The following BNIP5 variants were observed in gnomAD, a reference collection of about 807,000 sequenced individuals.
BNIP5 encodes BCL2 interacting protein 5.
BNIP5 carries 61 observed loss-of-function variants against 67.3 expected under a neutral mutation model. The ratio of observed to expected loss-of-function variants is 0.91; its 90% CI spans 0.74 to 1.12. The LOEUF is 1.12. BNIP5 is among the 50% of genes most tolerant of loss of function. The probability of loss-of-function intolerance (pLI) is 0.00; values close to 1 mark genes in which losing one functional copy is unlikely to be tolerated. For synonymous variants in BNIP5, 317 were observed against 319.0 expected (o/e 0.99, Z 0.07); for missense variants, 826 against 816.3 (o/e 1.01, Z -0.14).
intron 6 of BNIP5, 55 bp from the exon 7 acceptor site, chr6:36,324,245 G>T (rs1461051029): frequency 1.3e-5 from 20 of 1,503,136 alleles, no homozygotes; most frequent in East Asian, 9.0e-5. Flanking sequence ...CTCTTCTGCG[G>T]TCAGTCTTCA....
rs149919870 is a variant in BNIP5, at chr6:36,332,742, G to A, written c.-4-2048C>T. Among the ~76,000 whole-genome samples the A allele has an allele frequency of 8.5e-4, 129 of 152,122 alleles. 7 individuals carry two copies. In the East Asian group the frequency reaches 0.023, roughly 27 times the overall value. On this transcript the variant is annotated intron_variant, in intron 1 of 11. Transcript: ENST00000437635. ...CCCACCTGGGCAGCATTTCAAGCCC[G>A]CCTAGGTGTGGGCAGTGCATTTGAT...
chr6:36,330,484 G>A lies in BNIP5; in HGVS notation c.207C>T (p.His69=), dbSNP rs1467696308. Residue 69 remains histidine, a synonymous_variant, in exon 2 of 12, where the codon CAC becomes CAT. Transcript: ENST00000437635. The part of the protein sequence containing the change: ...SDSPAPSAEA[H]CTTAAAPTPE... The stretch of plus-strand genomic sequence containing the variant: ...GAGTGGGGGCTGCAGCGGTGGTGCA[G>A]TGAGCCTCTGCAGATGGAGCTGGGC... 1 of 1,614,192 alleles carries A rather than the reference G, an allele frequency of 6.2e-7. No individual in the cohort carries two copies. The highest frequency in any genetic ancestry group is 1.3e-5 in the African/African-American group (1 of 75,068).
At chr6:36,330,853 T>C (rs1014603311) in intron 1 of BNIP5, among the ~76,000 whole-genome samples, 159 bp from the exon 2 acceptor site, 9 of 152,198 alleles carry the variant, frequency 5.9e-5, no homozygotes, top group African/African-American at 1.9e-4. Flanking sequence ...AACCTCTACC[T>C]CCTGGGTTCA....
In BNIP5 at chr6:36,321,194, C is replaced by T. The variant is rs775831723; in HGVS notation, c.1629G>A (p.Val543=). The part of the protein sequence containing the change: ...ESKEIIIQKL[V]ALLQEVDGQL... ...GGCCATCCACTTCTTGGAGAAGTGC[C>T]ACAAGCTTCTGGATGATGATCTCCT... The change falls in exon 10 of 12, where the codon GTG becomes GTA. Residue 543 remains valine, a synonymous_variant. Coordinates refer to ENST00000437635, the MANE Select transcript of BNIP5 (RefSeq NM_001010903.5). 19 of 1,598,602 alleles carry T rather than the reference C, an allele frequency of 1.2e-5. No individual in the cohort carries two copies. The highest frequency in any genetic ancestry group is 1.5e-5 in the Non-Finnish European group (18 of 1,172,080).
chr6:36,326,468 G>T (rs752264069), intron 5 of BNIP5, 42 bp downstream of exon 5: 1 of 1,610,342 alleles, frequency 6.2e-7, no homozygotes, highest in Admixed American at 1.7e-5. Context: ...CAGAGCTGGA[G>T]GCAGCTGCAG....
chr6:36,332,868 T>C (rs1391449572), intron 1 of BNIP5, among the ~76,000 whole-genome samples: 2 of 152,128 alleles, frequency 1.3e-5, no homozygotes, highest in African/African-American at 4.8e-5. Context: ...AAATAAAATA[T>C]GGTTTTGAAT....
At chr6:36,318,865 C>G (rs1771573854) in intron 11 of BNIP5, among the ~76,000 whole-genome samples, 1 of 152,134 alleles carries the variant, frequency 6.6e-6, no homozygotes, top group African/African-American at 2.4e-5. Flanking sequence ...GCAACCAAGG[C>G]CAGGTCAGTG....
In BNIP5 at chr6:36,322,355, T is replaced by A. The variant is rs1561881802; in HGVS notation, c.1559A>T (p.His520Leu). 1 of 1,614,182 alleles carries A rather than the reference T, an allele frequency of 6.2e-7. No homozygotes were observed. The highest frequency in any genetic ancestry group is 8.5e-7 in the Non-Finnish European group (1 of 1,180,016). Residue 520 changes from histidine to leucine, a missense_variant, in exon 9 of 12, where the codon CAC (histidine) becomes CTC (leucine). His to Leu is a moderately conservative substitution (Grantham distance 99, BLOSUM62 -3). Transcript: ENST00000437635. ...ISEAPSQARG[H>L]TPEGAPQLSG... ...CAGCTGAGGTGCCCCTTCTGGCGTG[T>A]GGCCTCTAGCCTGGGAGGGTGCTTC...
intron 7 of BNIP5, among the ~76,000 whole-genome samples, chr6:36,323,876 T>C (rs1240513574): frequency 1.3e-5 from 2 of 152,046 alleles, no homozygotes; most frequent in African/African-American, 4.8e-5. Flanking sequence ...GGCGCATGCC[T>C]GTAGTCCCAG....
chr6:36,330,580 G>A lies in BNIP5; in HGVS notation c.111C>T (p.Leu37=), dbSNP rs775578256. 6.2e-7 allele frequency: 1 copy of A among 1,613,426 alleles called. No individual in the cohort carries two copies. The highest frequency in any genetic ancestry group is 1.6e-4 in the Middle Eastern group (1 of 6,062). ...TCCTGGAGGGGGCAGTGGGCAGGGA[G>A]AGCCAATGGCAGTCCCACGACTCCG... ...KGSESWDCHW[L]SLPTAPSRKA... is the part of the protein sequence containing the mutation. The change falls in exon 2 of 12, where the codon CTC becomes CTT. Residue 37 remains leucine (L), a synonymous_variant. Coordinates refer to ENST00000437635, the MANE Select transcript of BNIP5 (RefSeq NM_001010903.5).
Position 36,323,502 on chromosome 6 carries a change from AC to A in BNIP5, c.1261del (p.Val421Ter). On this transcript the variant is annotated frameshift_variant, in exon 8 of 12. Coordinates refer to ENST00000437635, the MANE Select transcript of BNIP5 (RefSeq NM_001010903.5). LOFTEE classifies it high-confidence loss of function. ...TCTGCAGTGTGGGGCCGGGTTTTCT[AC>A]ACCCACCTCTTCCTGCTGGACTTGA... Reference protein sequence around the residue: ...QPQVQQEEVGVENPAPHCRRK... With the variant: ...QPQVQQEEVGXENPAPHCRRK... The A allele has an allele frequency of 6.2e-7, 1 of 1,613,960 alleles. No individual in the cohort carries two copies. The highest frequency in any genetic ancestry group is 8.5e-7 in the Non-Finnish European group (1 of 1,180,018).
At chr6:36,324,693 G>A (rs1020911541) in intron 6 of BNIP5, among the ~76,000 whole-genome samples, 3 of 131,040 alleles carry the variant, frequency 2.3e-5, no homozygotes, top group Non-Finnish European at 4.8e-5. Flanking sequence ...TAATTACAGC[G>A]ATGGCAGCTG....
At chr6:36,335,895 C>T (rs1472454873) in intron 1 of BNIP5, among the ~76,000 whole-genome samples, 1 of 152,230 alleles carries the variant, frequency 6.6e-6, no homozygotes, top group East Asian at 1.9e-4. Flanking sequence ...CACATGCACG[C>T]ACTTACACAT....
chr6:36,328,821 A>C, intron 2 of BNIP5, 107 bp from the exon 3 acceptor site: 3 of 774,954 alleles, frequency 3.9e-6, no homozygotes, highest in Non-Finnish European at 7.0e-6. Context: ...CAGAATTCAC[A>C]GTGCAACAGG....
chr6:36,317,384 G>C lies in BNIP5; in HGVS notation c.1931C>G (p.Thr644Arg), dbSNP rs146797303. 1.2e-6 allele frequency: 2 copies of C among 1,613,168 alleles called. No homozygotes were observed. The highest frequency in any genetic ancestry group is 8.5e-7 in the Non-Finnish European group (1 of 1,179,238). Residue 644 changes from threonine (T) to arginine (R), a missense_variant, in exon 12 of 12, where the codon ACA becomes AGA. Thr to Arg is a moderately conservative substitution (Grantham distance 71, BLOSUM62 -1). Transcript: ENST00000437635. Reference protein sequence around the residue: ...FPYREDQPNITSPKVESPD With the variant: ...FPYREDQPNIRSPKVESPD Reference sequence around the variant, plus strand: ...ATCTGGACTTTCAACCTTAGGACTTGTGATGTTCTGGGAAGAGAAAAAGAA... The same window carrying C: ...ATCTGGACTTTCAACCTTAGGACTTCTGATGTTCTGGGAAGAGAAAAAGAA...
At chr6:36,323,827 C>T (rs1191660211) in intron 7 of BNIP5, among the ~76,000 whole-genome samples, 1 of 152,044 alleles carries the variant, frequency 6.6e-6, no homozygotes, top group Non-Finnish European at 1.5e-5. Flanking sequence ...TGGTAAAACC[C>T]TGTCTCTACT....
In BNIP5 at chr6:36,325,318, C is replaced by A. The variant is rs573426921; in HGVS notation, c.1133G>T (p.Gly378Val). 2.2e-5 allele frequency: 36 copies of A among 1,614,170 alleles called. No homozygotes were observed. In the Middle Eastern group the frequency reaches 5.0e-4, roughly 22 times the overall value. Reference sequence around the variant, plus strand: ...GGCTCTGTCCAGCGGAAGCTCCTCTCCAGGTTCCTGGCTCTCTGATGGGGT... The same window carrying A: ...GGCTCTGTCCAGCGGAAGCTCCTCTACAGGTTCCTGGCTCTCTGATGGGGT... The part of the protein sequence containing the change: ...LPTPSESQEP[G>V]EELPLDRASE... Residue 378 changes from glycine (G) to valine (V), a missense_variant, in exon 6 of 12, where the codon GGA (glycine) becomes GTA (valine). Physicochemically the swap from Gly to Val is moderately radical, Grantham distance 109 (BLOSUM62 -3). Coordinates refer to ENST00000437635, the MANE Select transcript of BNIP5 (RefSeq NM_001010903.5).
intron 1 of BNIP5, among the ~76,000 whole-genome samples, chr6:36,331,741 G>T (rs1354402904): frequency 6.6e-6 from 1 of 152,068 alleles, no homozygotes; most frequent in Non-Finnish European, 1.5e-5. Flanking sequence ...GTTTGTGCAG[G>T]CTGGTCTCAA....
In BNIP5 at chr6:36,332,098, G is replaced by A. The variant is rs191296530; in HGVS notation, c.-4-1404C>T. ...CCCTTTCACTCAAAGTCTTTAAAGCGGCTGTCACACCCCACACGTCCCAGC... is the reference window on the plus strand; with the variant it reads ...CCCTTTCACTCAAAGTCTTTAAAGCAGCTGTCACACCCCACACGTCCCAGC... On this transcript the variant is annotated intron_variant, in intron 1 of 11. Transcript: ENST00000437635. Among the ~76,000 whole-genome samples, 108 of 152,126 alleles carry A rather than the reference G, an allele frequency of 7.1e-4. 1 individual carries two copies. Among genetic ancestry groups the A allele is most frequent in the Non-Finnish European group, 1.2e-3 (84 of 68,000 alleles).
Sources: allele counts gnomAD v4.1 joint callset (sites outside exome capture counted in the v4.1 genomes callset), GRCh38; gene constraint gnomAD v4.1.1; transcripts MANE v1.5; gene names NCBI Gene and HGNC (gene_info 2026-07-23, HGNC 2026-07-21).